Variants in GALNTL6 observed in about 807,000 individuals in gnomAD.
GALNTL6 encodes the protein polypeptide N-acetylgalactosaminyltransferase-like 6.
Under a neutral mutation model 73.7 loss-of-function variants are expected in GALNTL6, and 46 were observed. The observed-to-expected ratio is 0.62, with a 90% CI of 0.49 to 0.80. GALNTL6 has a LOEUF of 0.80. Among genes scored for constraint, GALNTL6 ranks in the 30% least tolerant of loss-of-function variants. The pLI is 0.00. For synonymous variants in GALNTL6, 259 were observed against 263.7 expected, an observed-to-expected ratio of 0.98 and a Z score of 0.17; for missense variants, 604 against 755.0, an observed-to-expected ratio of 0.80 and a Z score of 2.34.
At chr4:172,385,218 A>G (rs192919807) in intron 5 of GALNTL6, among the ~76,000 whole-genome samples, 21 of 151,274 alleles carry the variant, frequency 1.4e-4, no homozygotes, top group African/African-American at 5.1e-4. Context: ...TTATCAAGGA[A>G]CTCATGAGTA....
At chr4:172,193,476 C>G (rs370538734) in intron 2 of GALNTL6, among the ~76,000 whole-genome samples, 24 of 152,046 alleles carry the variant, frequency 1.6e-4, no homozygotes, top group African/African-American at 5.1e-4. Flanking sequence ...CCAAAAGCAA[C>G]AACAACAACA....
chr4:171,843,888 G>A (rs2110848135), intron 2 of GALNTL6, among the ~76,000 whole-genome samples: 1 of 152,234 alleles, frequency 6.6e-6, no homozygotes, highest in East Asian at 1.9e-4. Flanking sequence ...TAAAGTAAGA[G>A]TAGTCAATAT....
intron 5 of GALNTL6, among the ~76,000 whole-genome samples, chr4:172,379,679 AAAAT>A (rs1743200694): frequency 6.6e-6 from 1 of 151,698 alleles, no homozygotes; most frequent in Non-Finnish European, 1.5e-5. Flanking sequence ...AAAATAAAAT[AAAAT>A]AAATAAAAAC....
chr4:173,000,784 G>A (rs1407271871), intron 10 of GALNTL6, among the ~76,000 whole-genome samples: 1 of 152,152 alleles, frequency 6.6e-6, no homozygotes, highest in Non-Finnish European at 1.5e-5. Context: ...TTTGACAAGG[G>A]TGCCAATATC....
At chr4:172,408,727 T>G (rs1162247197) in intron 5 of GALNTL6, among the ~76,000 whole-genome samples, 1 of 152,040 alleles carries the variant, frequency 6.6e-6, no homozygotes, top group East Asian at 1.9e-4. Flanking sequence ...CCTCTGTTGT[T>G]GCTTTAGTAG....
At chr4:172,713,392 C>G (rs571652754) in intron 5 of GALNTL6, among the ~76,000 whole-genome samples, 1 of 151,810 alleles carries the variant, frequency 6.6e-6, no homozygotes, top group Non-Finnish European at 1.5e-5. Context: ...TGTTGTGGTT[C>G]AAGTCCAAAG....
chr4:172,229,033 T>C (rs1736964252), intron 2 of GALNTL6, among the ~76,000 whole-genome samples: 1 of 152,166 alleles, frequency 6.6e-6, no homozygotes, highest in African/African-American at 2.4e-5. Flanking sequence ...ACAGTTTTGG[T>C]CTTAACAGAA....
chr4:172,860,383 T>A (rs776407098), intron 7 of GALNTL6, among the ~76,000 whole-genome samples: 13 of 152,208 alleles, frequency 8.5e-5, no homozygotes, highest in Non-Finnish European at 1.6e-4. Context: ...AAAACTAGCA[T>A]CTAATTGCTT....
intron 5 of GALNTL6, among the ~76,000 whole-genome samples, chr4:172,570,179 A>G (rs895810314): frequency 6.6e-6 from 1 of 152,174 alleles, no homozygotes; most frequent in Admixed American, 6.5e-5. Flanking sequence ...ATGAGAAGGT[A>G]CGGAGAGAGA....
intron 7 of GALNTL6, among the ~76,000 whole-genome samples, chr4:172,856,059 C>T (rs1315611467): frequency 6.6e-6 from 1 of 152,186 alleles, no homozygotes; most frequent in African/African-American, 2.4e-5. Flanking sequence ...GCTATGGTTT[C>T]TAAAACAATG....
intron 5 of GALNTL6, among the ~76,000 whole-genome samples, chr4:172,744,645 C>T (rs772149333): frequency 2.0e-5 from 3 of 152,066 alleles, no homozygotes; most frequent in Non-Finnish European, 4.4e-5. Context: ...TGGGTGTCAA[C>T]ACTTTGATTT....
intron 2 of GALNTL6, among the ~76,000 whole-genome samples, chr4:171,842,858 G>A (rs529830401): frequency 6.6e-6 from 1 of 152,168 alleles, no homozygotes; most frequent in East Asian, 1.9e-4. Flanking sequence ...TCACTTGGTG[G>A]TACCACTTAT....
At chr4:172,056,772 G>C (rs1286944791) in intron 2 of GALNTL6, among the ~76,000 whole-genome samples, 1 of 151,824 alleles carries the variant, frequency 6.6e-6, no homozygotes, top group African/African-American at 2.4e-5. Flanking sequence ...TGCTTATTGT[G>C]GTACTTTATC....
intron 2 of GALNTL6, among the ~76,000 whole-genome samples, chr4:171,985,275 G>A (rs562472607): frequency 4.6e-5 from 7 of 152,236 alleles, no homozygotes; most frequent in South Asian, 2.1e-4. Context: ...TAAAAGACAC[G>A]TCTCACATGG....
At chr4:172,565,997 A>T (rs1283894079) in intron 5 of GALNTL6, among the ~76,000 whole-genome samples, 1 of 152,182 alleles carries the variant, frequency 6.6e-6, no homozygotes, top group South Asian at 2.1e-4. Flanking sequence ...AAGATATAAA[A>T]ATTATAAATA....
chr4:172,809,687 C>T lies in GALNTL6; in HGVS notation c.739+141C>T. On this transcript the variant is annotated intron_variant, in intron 6 of 12. Coordinates refer to ENST00000506823, the MANE Select transcript of GALNTL6 (RefSeq NM_001034845.3). The surrounding 1 kb of genome is among the most constrained non-coding windows in gnomAD (Gnocchi z 4.4). Reference sequence around the variant, plus strand: ...GAAGCCTTGAATTTTATATTTACCACTGCTGAAAACAGTTTACTAGGTAAC... The same window carrying T: ...GAAGCCTTGAATTTTATATTTACCATTGCTGAAAACAGTTTACTAGGTAAC... The T allele has an allele frequency of 1.7e-6, 1 of 595,670 alleles. No homozygotes were observed. Among genetic ancestry groups the T allele is most frequent in the Non-Finnish European group, 2.9e-6 (1 of 350,230 alleles). The allele number at this position is 595,670 out of a possible 1,614,324, so 36.9% of individuals were successfully genotyped here. A position where few individuals can be genotyped will look rare whatever the true frequency, so the allele number is the denominator to read the frequency against.
At chr4:171,915,106 T>C (rs189591933) in intron 2 of GALNTL6, among the ~76,000 whole-genome samples, 1 of 152,156 alleles carries the variant, frequency 6.6e-6, no homozygotes, top group Non-Finnish European at 1.5e-5. Context: ...TAACTTATAA[T>C]TGAATTGTTT....
intron 8 of GALNTL6, among the ~76,000 whole-genome samples, chr4:172,925,990 A>C (rs997003430): frequency 1.1e-4 from 16 of 152,228 alleles, no homozygotes; most frequent in African/African-American, 3.9e-4. Flanking sequence ...CTTAAGAAGG[A>C]AAGAGTCTTA....
chr4:172,565,761 G>C (rs1160089086), intron 5 of GALNTL6, among the ~76,000 whole-genome samples: 1 of 152,064 alleles, frequency 6.6e-6, no homozygotes, highest in Non-Finnish European at 1.5e-5. Flanking sequence ...GAGGTTTATG[G>C]TTATTGATGC....
Sources: gnomAD v4.1 joint callset for allele counts (sites outside exome capture counted in the v4.1 genomes callset) on GRCh38, gnomAD v4.1.1 for gene constraint, Gnocchi (gnomAD v3.1) non-coding constraint, MANE v1.5 for transcripts, NCBI Gene and HGNC (gene_info 2026-07-23, HGNC 2026-07-21) for gene names.